The following SND1 variants were observed in gnomAD, a reference collection of about 807,000 sequenced individuals.
The protein encoded by SND1 is staphylococcal nuclease domain-containing protein 1.
In SND1, 38 loss-of-function variants were observed where a neutral mutation model predicts 121.7. The observed-to-expected ratio is 0.31, with a 90% confidence interval of 0.24 to 0.41. SND1 has a LOEUF of 0.41. Ranked by LOEUF, SND1 falls within the 10% of genes least tolerant of loss-of-function variation. The pLI is 1.00. For missense variants in SND1, 868 were observed against 1,184.6 expected, an observed-to-expected ratio of 0.73 and a Z score of 3.92; for synonymous variants, 401 against 447.4, an observed-to-expected ratio of 0.90 and a Z score of 1.31.
intron 15 of SND1, among the ~76,000 whole-genome samples, chr7:127,934,925 G>A (rs1039148728): frequency 6.6e-6 from 1 of 152,136 alleles, no homozygotes; most frequent in African/African-American, 2.4e-5. Context: ...GTTCATATAT[G>A]GGCAGAGAAG....
At chr7:127,944,140 T>C (rs1199985629) in intron 15 of SND1, among the ~76,000 whole-genome samples, 1 of 152,224 alleles carries the variant, frequency 6.6e-6, no homozygotes, top group East Asian at 1.9e-4. Flanking sequence ...CTGAAGTGCT[T>C]TTTGAAATAC....
intron 11 of SND1, among the ~76,000 whole-genome samples, chr7:127,841,065 G>T (rs545898266): frequency 1.3e-5 from 2 of 152,276 alleles, no homozygotes; most frequent in African/African-American, 4.8e-5. Flanking sequence ...AGATACACAG[G>T]TGTTCACTTT....
At chr7:127,718,771 T>G (rs1051102635) in intron 9 of SND1, 2 of 983,490 alleles carry the variant, frequency 2.0e-6, no homozygotes, top group Non-Finnish European at 2.4e-6. Context: ...GTGAGCACTA[T>G]GATACTTTCT....
intron 14 of SND1, among the ~76,000 whole-genome samples, chr7:127,922,186 T>TTTTTTG (rs1288637771): frequency 2.2e-5 from 2 of 91,992 alleles, no homozygotes; most frequent in Non-Finnish European, 4.8e-5. Context: ...TTTTTTTTTT[T>TTTTTTG]TTTTTTTTTT....
intron 10 of SND1, among the ~76,000 whole-genome samples, chr7:127,794,819 C>T (rs1237083090): frequency 6.6e-6 from 1 of 152,174 alleles, no homozygotes; most frequent in African/African-American, 2.4e-5. Flanking sequence ...GAGAAGATTT[C>T]TCCATTACTA....
rs550596873 is a variant in SND1 at position 127,980,501 on chromosome 7, T to A, written c.1670-10446T>A. ...GCCCAGAGGTTTTTTTTATTCATGC[T>A]CTTTGGTTCTTAAGTCTTAATATTC... On this transcript the variant is annotated intron_variant, in intron 15 of 23. Transcript: ENST00000354725. 1.0e-3 allele frequency among the ~76,000 whole-genome samples: 155 copies of A among 152,200 alleles called. 1 individual carries two copies. The highest frequency in any genetic ancestry group is 1.9e-3 in the Non-Finnish European group (130 of 68,044).
intron 1 of SND1, among the ~76,000 whole-genome samples, chr7:127,656,814 C>A (rs148584354): frequency 6.6e-6 from 1 of 152,320 alleles, no homozygotes; most frequent in Admixed American, 6.5e-5. Flanking sequence ...CTTTCCTAAG[C>A]TACTTAAAAT....
In SND1 at chr7:127,701,238, C is replaced by A; in HGVS notation, c.504C>A (p.Asn168Lys). 1 of 1,613,994 alleles carries A rather than the reference C, an allele frequency of 6.2e-7. No homozygotes were observed. Among genetic ancestry groups the A allele is most frequent in the Non-Finnish European group, 8.5e-7 (1 of 1,179,942 alleles). Reference sequence around the variant, plus strand: ...AGAAAGGGATGTGGAGTGAGGGGAACGGTTCACATACTATCCGGGATCTCA... The same window carrying A: ...AGAAAGGGATGTGGAGTGAGGGGAAAGGTTCACATACTATCCGGGATCTCA... ...AAKKGMWSEG[N>K]GSHTIRDLKY... is the part of the protein sequence containing the mutation. The change falls in exon 5 of 24, where the codon AAC becomes AAA. Residue 168 changes from asparagine (N) to lysine (K), a missense_variant. By Grantham distance (94) the Asn-to-Lys change is moderately conservative. Coordinates refer to ENST00000354725, the MANE Select transcript of SND1 (RefSeq NM_014390.4).
chr7:127,842,604 G>C (rs1042067822), intron 11 of SND1, among the ~76,000 whole-genome samples: 1 of 152,118 alleles, frequency 6.6e-6, no homozygotes, highest in Non-Finnish European at 1.5e-5. Flanking sequence ...GTATCTTTTT[G>C]ATTTACATAC....
rs1377887514 is a variant in SND1 at position 128,015,565 on chromosome 7, G to A, written c.1779+24509G>A. Among the ~76,000 whole-genome samples, 1 of 152,126 alleles carries A rather than the reference G, an allele frequency of 6.6e-6. No individual in the cohort carries two copies. Among genetic ancestry groups the A allele is most frequent in the African/African-American group, 2.4e-5 (1 of 41,410 alleles). On this transcript the variant is annotated intron_variant, in intron 16 of 23. Coordinates refer to ENST00000354725, the MANE Select transcript of SND1 (RefSeq NM_014390.4). The surrounding 1 kb of genome is among the most constrained non-coding windows in gnomAD (Gnocchi z 4.5). ...TCAAAGTACAATGCTCAGTTTTTCA[G>A]TCTGGTTCAAGGTGCTTAAAGGTAG... is the stretch of plus-strand genomic sequence containing the variant.
intron 3 of SND1, among the ~76,000 whole-genome samples, chr7:127,695,226 C>T (rs1043723932): frequency 2.0e-5 from 3 of 152,210 alleles, no homozygotes; most frequent in African/African-American, 7.2e-5. Context: ...GCCATTCACT[C>T]ATGGAACTCA....
intron 14 of SND1, among the ~76,000 whole-genome samples, chr7:127,927,039 T>C (rs1800857601): frequency 6.6e-6 from 1 of 152,172 alleles, no homozygotes; most frequent in South Asian, 2.1e-4. Flanking sequence ...GTATTGATTT[T>C]TATGACATGG....
chr7:128,089,470 G>T lies in SND1; in HGVS notation c.2419-19G>T. ...GTTGTTCTCTGGCTTGCTCTGACCT[G>T]AGTGTGTCTCTGCTCCAGGATGATG... On this transcript the variant is annotated intron_variant, in intron 21 of 23. Transcript: ENST00000354725. 1 of 1,601,510 alleles carries T rather than the reference G, an allele frequency of 6.2e-7. No homozygotes were observed. The highest frequency in any genetic ancestry group is 1.1e-5 in the South Asian group (1 of 89,530).
intron 12 of SND1, among the ~76,000 whole-genome samples, chr7:127,864,498 CA>C (rs1311937923): frequency 6.6e-6 from 1 of 151,986 alleles, no homozygotes; most frequent in Non-Finnish European, 1.5e-5. Flanking sequence ...ATATTTTGTT[CA>C]ATGCTACCTA....
rs964958984 is a variant in SND1, at chr7:127,951,784, G to A, written c.1669+22455G>A. On this transcript the variant is annotated intron_variant, in intron 15 of 23. Coordinates refer to ENST00000354725, the MANE Select transcript of SND1 (RefSeq NM_014390.4). ...CCCTCTTTTATTAGTATGTGTGGGA[G>A]CCTTAGCAAGTGACCTTAGGTGTTG... Among the ~76,000 whole-genome samples the A allele has an allele frequency of 3.7e-4, 57 of 152,234 alleles. 1 individual carries two copies. The highest frequency in any genetic ancestry group is 1.1e-3 in the African/African-American group (46 of 41,538).
intron 14 of SND1, among the ~76,000 whole-genome samples, chr7:127,922,894 C>A (rs995478926): frequency 6.6e-6 from 1 of 152,196 alleles, no homozygotes; most frequent in Non-Finnish European, 1.5e-5. Flanking sequence ...GCCTGGGCTG[C>A]GGTTTCTCCT....
chr7:128,027,952 CCTT>C (rs1803527122), intron 16 of SND1: 1 of 152,542 alleles, frequency 6.6e-6, no homozygotes, highest in African/African-American at 2.4e-5. Context: ...CAGCTCCCGT[CCTT>C]CTCTGCTCCT....
intron 1 of SND1, among the ~76,000 whole-genome samples, chr7:127,676,653 A>G (rs1795621792): frequency 1.3e-5 from 2 of 152,244 alleles, no homozygotes; most frequent in South Asian, 4.1e-4. Flanking sequence ...ATCTTAACTG[A>G]TAAATCAAGG....
chr7:127,938,925 A>G (rs1265352739), intron 15 of SND1, among the ~76,000 whole-genome samples: 1 of 152,224 alleles, frequency 6.6e-6, no homozygotes, highest in Non-Finnish European at 1.5e-5. Context: ...AATGCTAGGA[A>G]TACAGAAATG....
Sources: gnomAD v4.1 joint callset for allele counts (sites outside exome capture counted in the v4.1 genomes callset) on GRCh38, gnomAD v4.1.1 for gene constraint, Gnocchi (gnomAD v3.1) non-coding constraint, MANE v1.5 for transcripts, NCBI Gene and HGNC (gene_info 2026-07-23, HGNC 2026-07-21) for gene names.